The following MAF variants were observed in gnomAD, a reference collection of about 807,000 sequenced individuals.
MAF encodes the protein transcription factor Maf.
Under a neutral mutation model 22.0 loss-of-function variants are expected in MAF, and 10 were observed. That is an observed-to-expected ratio of 0.45 (90% CI 0.28 to 0.77). The LOEUF is 0.77. MAF is among the 30% of genes least tolerant of loss of function. The pLI, the probability that MAF is intolerant of heterozygous loss-of-function variation, is 0.12. For missense variants in MAF, 544 were observed against 548.4 expected, an observed-to-expected ratio of 0.99 and a Z score of 0.08; for synonymous variants, 337 against 255.8, an observed-to-expected ratio of 1.32 and a Z score of -3.03.
At chr16:79,235,576 C>T in the MAF span, among the ~76,000 whole-genome samples, 1 of 151,718 alleles carries the variant, frequency 6.6e-6, no homozygotes, top group East Asian at 1.9e-4. Flanking sequence ...GATTGAAAGC[C>T]GCAGAAGCAG....
chr16:79,413,259 T>C, the MAF span, among the ~76,000 whole-genome samples: 30 of 94,546 alleles, frequency 3.2e-4, no homozygotes, highest in African/African-American at 1.2e-3. Context: ...TTTTTTTTTT[T>C]TGAGACGGAG....
the MAF span, among the ~76,000 whole-genome samples, chr16:79,328,483 G>T: frequency 6.6e-6 from 1 of 152,164 alleles, no homozygotes; most frequent in South Asian, 2.1e-4. Context: ...CCTTGCATGA[G>T]AATACATTCT....
the MAF span, among the ~76,000 whole-genome samples, chr16:79,567,397 T>C: frequency 0.022 from 3,280 of 152,280 alleles, 57 homozygotes; most frequent in Middle Eastern, 0.061. Flanking sequence ...AGTTTGATTA[T>C]ACACATACAC....
the MAF span, among the ~76,000 whole-genome samples, chr16:79,489,420 T>C: frequency 3.3e-5 from 5 of 152,038 alleles, no homozygotes; most frequent in Non-Finnish European, 7.3e-5. Flanking sequence ...GTGATAAGAG[T>C]TGGGGATATA....
the MAF span, among the ~76,000 whole-genome samples, chr16:79,491,846 G>A: frequency 6.6e-6 from 1 of 152,112 alleles, no homozygotes; most frequent in Non-Finnish European, 1.5e-5. Context: ...AGAAATGGAG[G>A]AAAGGGGGAT....
chr16:79,338,663 A>G, the MAF span, among the ~76,000 whole-genome samples: 1 of 152,316 alleles, frequency 6.6e-6, no homozygotes, highest in South Asian at 2.1e-4. Flanking sequence ...AAAATGGGAG[A>G]GAGATGGACA....
chr16:79,436,602 C>T, the MAF span, among the ~76,000 whole-genome samples: 1 of 152,212 alleles, frequency 6.6e-6, no homozygotes, highest in East Asian at 1.9e-4. Flanking sequence ...CCAGACTTGA[C>T]TGTAACTCAC....
the MAF span, among the ~76,000 whole-genome samples, chr16:79,518,355 C>T: frequency 6.6e-6 from 1 of 152,230 alleles, no homozygotes. Flanking sequence ...GGCATCTCAA[C>T]AGTGAGCTCC....
the MAF span, among the ~76,000 whole-genome samples, chr16:79,311,938 G>C: frequency 1.3e-5 from 2 of 152,168 alleles, no homozygotes; most frequent in Non-Finnish European, 2.9e-5. Context: ...TAGTGAGGCA[G>C]GATGGCGGAG....
chr16:79,467,670 C>T, the MAF span, among the ~76,000 whole-genome samples: 3 of 152,128 alleles, frequency 2.0e-5, no homozygotes, highest in African/African-American at 7.2e-5. Flanking sequence ...CAGGGCCCAC[C>T]CTGGACCTCG....
the MAF span, among the ~76,000 whole-genome samples, chr16:79,316,877 A>G: frequency 3.3e-5 from 5 of 152,206 alleles, no homozygotes; most frequent in African/African-American, 1.2e-4. Context: ...GTGAGGTTGG[A>G]GAAAGCAATG....
the MAF span, among the ~76,000 whole-genome samples, chr16:79,305,728 G>A: frequency 6.6e-6 from 1 of 152,212 alleles, no homozygotes; most frequent in Non-Finnish European, 1.5e-5. Context: ...ATCGACGCTG[G>A]AAGATTTAAG....
the MAF span, among the ~76,000 whole-genome samples, chr16:79,309,004 C>T: frequency 1.1e-3 from 167 of 152,228 alleles, no homozygotes; most frequent in African/African-American, 4.0e-3. Flanking sequence ...TGAACAGTAG[C>T]TGGAAATATT....
At chr16:79,410,978 G>A in the MAF span, among the ~76,000 whole-genome samples, 1 of 152,188 alleles carries the variant, frequency 6.6e-6, no homozygotes, top group Admixed American at 6.5e-5. Context: ...CTTTTCCTTA[G>A]ATATCGGTCT....
chr16:79,555,489 C>T, the MAF span, among the ~76,000 whole-genome samples: 3 of 152,148 alleles, frequency 2.0e-5, no homozygotes, highest in East Asian at 3.9e-4. Flanking sequence ...AGCGTAAATG[C>T]CTTCACCACA....
chr16:79,444,546 G>A, the MAF span, among the ~76,000 whole-genome samples: 1 of 152,300 alleles, frequency 6.6e-6, no homozygotes, highest in Middle Eastern at 3.4e-3. Context: ...GGGCCATACT[G>A]AGAATGAAAT....
intron 1 of MAF, among the ~76,000 whole-genome samples, chr16:79,587,026 C>T (rs1297013626): frequency 6.6e-6 from 1 of 152,230 alleles, no homozygotes. Flanking sequence ...CTCTAGGCTG[C>T]TGTAACAGAA....
chr16:79,345,993 A>G, the MAF span, among the ~76,000 whole-genome samples: 1 of 152,086 alleles, frequency 6.6e-6, no homozygotes, highest in Non-Finnish European at 1.5e-5. Flanking sequence ...TGAAACATAA[A>G]TCAGCAGCTT....
chr16:79,363,398 T>C, the MAF span, among the ~76,000 whole-genome samples: 2 of 152,212 alleles, frequency 1.3e-5, no homozygotes, highest in African/African-American at 4.8e-5. Flanking sequence ...GTCTTAAACA[T>C]GCTCAGAACA....
Sources: gnomAD v4.1 joint callset for allele counts (sites outside exome capture counted in the v4.1 genomes callset) on GRCh38, gnomAD v4.1.1 for gene constraint, MANE v1.5 for transcripts, NCBI Gene and HGNC (gene_info 2026-07-23, HGNC 2026-07-21) for gene names.